The following GABPB2 variants were observed in gnomAD, a reference collection of about 807,000 sequenced individuals.
GABPB2 encodes the protein GA binding protein transcription factor subunit beta 2.
GABPB2 carries 23 observed loss-of-function variants against 39.1 expected under a neutral mutation model. The ratio of observed to expected loss-of-function variants is 0.59; its 90% CI spans 0.42 to 0.83. The LOEUF is 0.83. Among genes scored for constraint, GABPB2 ranks in the 40% least tolerant of loss-of-function variants. The pLI is 0.00. For synonymous variants in GABPB2, 184 were observed against 199.3 expected (o/e 0.92, Z 0.65); for missense variants, 467 against 541.1 (o/e 0.86, Z 1.36).
At position 151,118,102 on chromosome 1, in the gene GABPB2, A is replaced by G. The variant is rs763705533; in HGVS notation, c.1193A>G (p.Asn398Ser). ...KLEAIARQQP[N>S]GVDFTMVEEV... Reference sequence around the variant, plus strand: ...GAGGCCATAGCCCGACAGCAGCCCAATGGAGTTGATTTCACCATGGTTGAA... The same window carrying G: ...GAGGCCATAGCCCGACAGCAGCCCAGTGGAGTTGATTTCACCATGGTTGAA... Residue 398 changes from asparagine (N) to serine (S), a missense_variant, in exon 9 of 9, where the codon AAT becomes AGT. Transcript: ENST00000368918. 2.1e-5 allele frequency: 34 copies of G among 1,614,036 alleles called. No homozygotes were observed. Among genetic ancestry groups the G allele is most frequent in the East Asian group, 1.6e-4 (7 of 44,902 alleles).
At chr1:151,109,199 A>G (rs1298614996) in intron 7 of GABPB2, among the ~76,000 whole-genome samples, 1 of 151,614 alleles carries the variant, frequency 6.6e-6, no homozygotes, top group Non-Finnish European at 1.5e-5. Flanking sequence ...GTCTCTAAAA[A>G]ATAAAAATGT....
chr1:151,080,937 A>G (rs1677631248), intron 1 of GABPB2, among the ~76,000 whole-genome samples: 2 of 145,312 alleles, frequency 1.4e-5, no homozygotes, highest in South Asian at 2.4e-4. Context: ...CAGTGGCTCA[A>G]TCTCGGCTCA....
chr1:151,076,253 T>G (rs1677161620), intron 1 of GABPB2, among the ~76,000 whole-genome samples: 1 of 152,180 alleles, frequency 6.6e-6, no homozygotes. Flanking sequence ...GATTTGGGGT[T>G]ACTAGCTGAT....
chr1:151,078,075 C>T (rs1246474432), intron 1 of GABPB2, among the ~76,000 whole-genome samples: 1 of 147,970 alleles, frequency 6.8e-6, no homozygotes, highest in East Asian at 2.0e-4. Context: ...GTTCAAGCCT[C>T]GCCTGACCAA....
rs1306729074 is a variant in GABPB2, at chr1:151,078,273, A to G, written c.-1+7339A>G. On this transcript the variant is annotated intron_variant, in intron 1 of 8. Coordinates refer to ENST00000368918, the MANE Select transcript of GABPB2 (RefSeq NM_144618.3). ...TGAGACAGAGTGAGACTTCAACTCG[A>G]AAAAAAAAAAAAAAGAGTAAGAATA... Among the ~76,000 whole-genome samples the G allele has an allele frequency of 1.8e-3, 249 of 134,880 alleles. 3 individuals carry two copies. Among genetic ancestry groups the G allele is most frequent in the African/African-American group, 6.2e-3 (222 of 35,928 alleles). The allele number at this position is 134,880 out of a possible 152,430, so 88.5% of individuals were successfully genotyped here. A position where few individuals can be genotyped will look rare whatever the true frequency, so the allele number is the denominator to read the frequency against.
chr1:151,105,404 T>G (rs969430596), intron 6 of GABPB2, among the ~76,000 whole-genome samples: 1 of 148,948 alleles, frequency 6.7e-6, no homozygotes, highest in Non-Finnish European at 1.5e-5. Flanking sequence ...ATATATCAAA[T>G]GTATATCAAA....
chr1:151,072,643 C>A (rs1350353749), intron 1 of GABPB2, among the ~76,000 whole-genome samples: 1 of 151,932 alleles, frequency 6.6e-6, no homozygotes, highest in Non-Finnish European at 1.5e-5. Flanking sequence ...GTCAGGAGTT[C>A]GACACCAGCC....
rs1345758536 is a variant in GABPB2 at position 151,107,239 on chromosome 1, A to G, written c.922+17A>G. On this transcript the variant is annotated intron_variant, in intron 7 of 8. Transcript: ENST00000368918. ...GACAGCAAGGTGAGTTATCTCTTGTAGACAATTGTTTATTAAAAGATATTT... is the reference window on the plus strand; with the variant it reads ...GACAGCAAGGTGAGTTATCTCTTGTGGACAATTGTTTATTAAAAGATATTT... 1 of 1,493,210 alleles carries G rather than the reference A, an allele frequency of 6.7e-7. No individual in the cohort carries two copies. The highest frequency in any genetic ancestry group is 9.0e-7 in the Non-Finnish European group (1 of 1,115,046). 92.5% of individuals were successfully genotyped at this position (1,493,210 alleles called of 1,614,324 possible). A position where few individuals can be genotyped will look rare whatever the true frequency, so the allele number is the denominator to read the frequency against.
intron 3 of GABPB2, among the ~76,000 whole-genome samples, chr1:151,092,751 T>G (rs1678822034): frequency 1.3e-5 from 2 of 152,058 alleles, no homozygotes; most frequent in African/African-American, 4.8e-5. Flanking sequence ...TGTTTTGAAT[T>G]TTTTGTAGAG....
At chr1:151,109,639 G>A (rs983177326) in intron 7 of GABPB2, among the ~76,000 whole-genome samples, 7 of 151,630 alleles carry the variant, frequency 4.6e-5, no homozygotes, top group Non-Finnish European at 7.4e-5. Context: ...AATTACAAGC[G>A]TGAGCCACCA....
chr1:151,109,364 A>ATATT (rs779537595), intron 7 of GABPB2, among the ~76,000 whole-genome samples: 31 of 112,392 alleles, frequency 2.8e-4, no homozygotes, highest in South Asian at 6.2e-4. Flanking sequence ...ATATATATAT[A>ATATT]TTTTTTTTTT....
intron 1 of GABPB2, among the ~76,000 whole-genome samples, chr1:151,083,609 G>C (rs587619743): frequency 1.6e-4 from 25 of 151,744 alleles, no homozygotes; most frequent in African/African-American, 3.4e-4. Flanking sequence ...ACTCCAGCCT[G>C]GGTGACAGGG....
intron 1 of GABPB2, among the ~76,000 whole-genome samples, chr1:151,084,973 G>A (rs1316784397): frequency 6.6e-6 from 1 of 152,082 alleles, no homozygotes; most frequent in Non-Finnish European, 1.5e-5. Context: ...GGTGCCACTT[G>A]CCTGTAGTCT....
At chr1:151,080,231 A>AC (rs1256078515) in intron 1 of GABPB2, among the ~76,000 whole-genome samples, 1,414 of 138,166 alleles carry the variant, frequency 0.01, 36 homozygotes, top group African/African-American at 0.026. Context: ...AAAAAAAAAA[A>AC]AAAAAAAAAA....
rs71090124 is a variant in GABPB2, at chr1:151,071,453, C to CTTTTTTTTT, written c.-1+527_-1+535dup. Among the ~76,000 whole-genome samples the CTTTTTTTTT allele has an allele frequency of 1.5e-3, 148 of 100,492 alleles. 13 individuals are homozygous for CTTTTTTTTT. Among genetic ancestry groups the CTTTTTTTTT allele is most frequent in the African/African-American group, 2.6e-3 (66 of 25,794 alleles). 65.9% of individuals were successfully genotyped at this position (100,492 alleles called of 152,430 possible). On this transcript the variant is annotated intron_variant, in intron 1 of 8. Transcript: ENST00000368918. ...CGGGCCCCGCCTCTGCTTTTTTGCT[C>CTTTTTTTTT]TTTTTTTTTTTTTTTTCAAAACTGA... is the stretch of plus-strand genomic sequence containing the variant.
intron 7 of GABPB2, chr1:151,112,818 T>A (rs950461642): frequency 6.5e-6 from 1 of 153,066 alleles, no homozygotes; most frequent in Non-Finnish European, 1.5e-5. Context: ...ATCACCAGGC[T>A]AGAGTGCAGT....
chr1:151,103,081 G>A (rs1162256813), intron 5 of GABPB2, among the ~76,000 whole-genome samples: 1 of 120,362 alleles, frequency 8.3e-6, no homozygotes, highest in Admixed American at 1.1e-4. Flanking sequence ...AAGGAGTCTC[G>A]CTCTGTCGCC....
rs765611292 is a variant in GABPB2 at position 151,097,963 on chromosome 1, G to A, written c.583G>A (p.Ala195Thr). The A allele has an allele frequency of 9.3e-6, 15 of 1,613,730 alleles. No homozygotes were observed. The African/African-American group carries it at 1.1e-4, about 11-fold the overall frequency. Residue 195 changes from alanine to threonine, a missense_variant, in exon 5 of 9, where the codon GCA (alanine) becomes ACA (threonine). Coordinates refer to ENST00000368918, the MANE Select transcript of GABPB2 (RefSeq NM_144618.3). ...CACGTCGGGTGAGGTTGTTAACCTC[G>A]CAAGCCTTATTTCTTCAACCAACAC... ...IFTSGEVVNLASLISSTNTKT... is the reference protein window; with the variant it reads ...IFTSGEVVNLTSLISSTNTKT...
chr1:151,097,071 C>A (rs1679147687), intron 4 of GABPB2, among the ~76,000 whole-genome samples: 1 of 151,914 alleles, frequency 6.6e-6, no homozygotes, highest in African/African-American at 2.4e-5. Flanking sequence ...GCCACCACGC[C>A]CAGCTGATAT....
Sources: gnomAD v4.1 joint callset for allele counts (sites outside exome capture counted in the v4.1 genomes callset) on GRCh38, gnomAD v4.1.1 for gene constraint, MANE v1.5 for transcripts, NCBI Gene and HGNC (gene_info 2026-07-23, HGNC 2026-07-21) for gene names.